Variants in EHMT1 observed in about 807,000 individuals in gnomAD.
EHMT1 encodes the protein euchromatic histone lysine methyltransferase 1.
A neutral mutation model predicts 147.2 loss-of-function variants in EHMT1; 15 were observed. The observed-to-expected ratio is 0.10, with a 90% confidence interval of 0.07 to 0.16. The LOEUF (loss-of-function observed/expected upper bound fraction) is 0.16. Among genes scored for constraint, EHMT1 ranks in the 10% least tolerant of loss-of-function variants. The pLI is 1.00. For synonymous variants in EHMT1, 795 were observed against 709.6 expected, an observed-to-expected ratio of 1.12 and a Z score of -1.91; for missense variants, 1,587 against 1,772.4, an observed-to-expected ratio of 0.90 and a Z score of 1.88.
At chr9:137,661,872 G>T (rs183634379) in intron 1 of EHMT1, among the ~76,000 whole-genome samples, 1 of 151,908 alleles carries the variant, frequency 6.6e-6, no homozygotes, top group African/African-American at 2.4e-5. Flanking sequence ...CTGCAATCTC[G>T]GCTCACTGCA....
intron 13 of EHMT1, 29 bp downstream of exon 13, chr9:137,778,084 G>T: frequency 6.2e-7 from 1 of 1,613,534 alleles, no homozygotes; most frequent in East Asian, 2.2e-5. Flanking sequence ...TTTCAGAGAT[G>T]TCTCAGAGCC....
At chr9:137,621,599 TGA>T (rs1842941176) in intron 1 of EHMT1, among the ~76,000 whole-genome samples, 1 of 151,716 alleles carries the variant, frequency 6.6e-6, no homozygotes, top group East Asian at 1.9e-4. Context: ...GGCAACGGAG[TGA>T]GAGACTGTCT....
chr9:137,689,133 G>T (rs574428532), intron 1 of EHMT1, among the ~76,000 whole-genome samples: 53 of 152,208 alleles, frequency 3.5e-4, no homozygotes, highest in African/African-American at 1.2e-3. Context: ...TTTTACACTG[G>T]AAAGGATTTT....
At chr9:137,800,171 C>G (rs4628319) in intron 17 of EHMT1, among the ~76,000 whole-genome samples, 1,930 of 152,320 alleles carry the variant, frequency 0.013, 19 homozygotes, top group Middle Eastern at 0.02. Flanking sequence ...GCTGAGTCTT[C>G]TGCCTTCAGA....
At chr9:137,698,880 T>G (rs973318349) in intron 1 of EHMT1, among the ~76,000 whole-genome samples, 7 of 152,192 alleles carry the variant, frequency 4.6e-5, no homozygotes, top group African/African-American at 1.7e-4. Context: ...TTTAGGAATC[T>G]TATAAAGGGC....
chr9:137,711,161 T>G, intron 2 of EHMT1, 131 bp downstream of exon 2: 1 of 883,464 alleles, frequency 1.1e-6, no homozygotes, highest in Non-Finnish European at 1.7e-6. Flanking sequence ...GTATAGTTTC[T>G]AATCTATCCC....
chr9:137,667,980 G>A (rs1052766449), intron 1 of EHMT1, among the ~76,000 whole-genome samples: 2 of 152,184 alleles, frequency 1.3e-5, no homozygotes, highest in African/African-American at 4.8e-5. Flanking sequence ...GGACCTCTCA[G>A]AGGGACTGCA....
intron 1 of EHMT1, among the ~76,000 whole-genome samples, chr9:137,652,319 A>C (rs980903523): frequency 1.3e-5 from 2 of 152,172 alleles, no homozygotes; most frequent in Non-Finnish European, 2.9e-5. Context: ...GGCTGAAGTC[A>C]TCCTCCTGCC....
chr9:137,760,420 C>T (rs1021004945), intron 9 of EHMT1, among the ~76,000 whole-genome samples: 3 of 152,150 alleles, frequency 2.0e-5, no homozygotes, highest in Admixed American at 6.5e-5. Flanking sequence ...TGAGCAGGAT[C>T]ATCTCAGAGA....
intron 1 of EHMT1, among the ~76,000 whole-genome samples, chr9:137,699,135 G>T (rs960424137): frequency 6.6e-6 from 1 of 152,180 alleles, no homozygotes; most frequent in Non-Finnish European, 1.5e-5. Flanking sequence ...AAGGCGCGCT[G>T]CCGTCTTCTC....
chr9:137,647,719 C>A (rs556481417), intron 1 of EHMT1, among the ~76,000 whole-genome samples: 1 of 151,938 alleles, frequency 6.6e-6, no homozygotes, highest in Admixed American at 6.6e-5. Flanking sequence ...CTCAGCCTTC[C>A]GAGTAGCTGG....
chr9:137,650,371 T>C (rs1937663291), intron 1 of EHMT1, among the ~76,000 whole-genome samples: 1 of 152,100 alleles, frequency 6.6e-6, no homozygotes, highest in East Asian at 1.9e-4. Flanking sequence ...AGTGCTGGGA[T>C]TACAGATGTG....
chr9:137,709,684 A>G (rs979971594), intron 1 of EHMT1, among the ~76,000 whole-genome samples: 1 of 151,832 alleles, frequency 6.6e-6, no homozygotes, highest in Non-Finnish European at 1.5e-5. Context: ...ACCTGTTGAT[A>G]GTCAATTAAA....
intron 1 of EHMT1, among the ~76,000 whole-genome samples, chr9:137,668,570 T>C (rs1315071562): frequency 6.6e-6 from 1 of 152,186 alleles, no homozygotes; most frequent in Non-Finnish European, 1.5e-5. Context: ...AGAACATTTG[T>C]ATCATCCTGA....
At chr9:137,830,540 T>A (rs544575630) in intron 25 of EHMT1, among the ~76,000 whole-genome samples, 81 of 152,374 alleles carry the variant, frequency 5.3e-4, no homozygotes, top group Non-Finnish European at 9.0e-4. Context: ...ATAAAAATTT[T>A]GGTTTCTAAA....
chr9:137,818,600 C>CGTGT (rs2132824132), intron 25 of EHMT1, among the ~76,000 whole-genome samples: 1 of 100,610 alleles, frequency 9.9e-6, no homozygotes, highest in South Asian at 3.0e-4. Flanking sequence ...TGAGGGGCGC[C>CGTGT]ATGTACCGAG....
chr9:137,743,875 T>TG, intron 5 of EHMT1, 27 bp from the exon 6 acceptor site: 4 of 1,597,532 alleles, frequency 2.5e-6, no homozygotes, highest in Non-Finnish European at 3.4e-6. Context: ...GATCCTGCCT[T>TG]GGGGTATACA....
intron 7 of EHMT1, among the ~76,000 whole-genome samples, chr9:137,753,278 G>A (rs555408523): frequency 2.6e-5 from 4 of 152,254 alleles, no homozygotes; most frequent in Admixed American, 2.0e-4. Flanking sequence ...GCCGAGCAGC[G>A]AGTGGGAGGA....
chr9:137,762,173 A>G (rs1451861482), intron 9 of EHMT1, among the ~76,000 whole-genome samples: 1 of 152,036 alleles, frequency 6.6e-6, no homozygotes, highest in African/African-American at 2.4e-5. Context: ...TTCCTCTTTC[A>G]GCCTAATAAA....
Sources: allele counts gnomAD v4.1 joint callset (sites outside exome capture counted in the v4.1 genomes callset), GRCh38; gene constraint gnomAD v4.1.1; transcripts MANE v1.5; gene names NCBI Gene and HGNC (gene_info 2026-07-23, HGNC 2026-07-21).